Variants in DNAH6 observed in about 807,000 individuals in gnomAD.
The protein encoded by DNAH6 is axonemal beta dynein heavy chain 6.
A neutral mutation model predicts 491.4 loss-of-function variants in DNAH6; 340 were observed. That is an observed-to-expected ratio of 0.69 (90% confidence interval 0.63 to 0.76). The LOEUF (loss-of-function observed/expected upper bound fraction) is 0.76. DNAH6 is among the 30% of genes least tolerant of loss of function. The pLI is 0.00. For missense variants in DNAH6, 4,443 were observed against 4,972.2 expected (o/e 0.89, Z 3.20); for synonymous variants, 1,603 against 1,686.1 (o/e 0.95, Z 1.21).
Position 84,681,526 on chromosome 2 carries a change from A to G in DNAH6, c.6914A>G (p.Gln2305Arg). 2.6e-6 allele frequency: 4 copies of G among 1,542,518 alleles called. No individual in the cohort carries two copies. In the Admixed American group the frequency reaches 6.1e-5, roughly 23 times the overall value. ...FNLRDLSKCVQGILQCDPGTI... is the reference protein window; with the variant it reads ...FNLRDLSKCVRGILQCDPGTI... ...TTGAGGGACTTATCCAAATGTGTGC[A>G]AGGTAGTGTACTGAACCCTCGTTTT... The change falls in exon 42 of 77, where the codon CAA becomes CGA. Residue 2305 changes from glutamine (Q) to arginine (R), a missense_variant and splice_region_variant. By Grantham distance (43) the Gln-to-Arg change is conservative (BLOSUM62 1). This residue lies in a region of DNAH6 where 2,977 missense variants were observed against 3,296.6 expected (regional missense o/e 0.90). Coordinates refer to ENST00000389394, the MANE Select transcript of DNAH6 (RefSeq NM_001370.2).
At position 84,701,203 on chromosome 2, in the gene DNAH6, A is replaced by T. The variant is rs1279689231; in HGVS notation, c.7925A>T (p.His2642Leu). Reference protein sequence around the residue: ...EKLPLMCVNVHLSVSSMAERY... With the variant: ...EKLPLMCVNVLLSVSSMAERY... ...CTTCCCTTGATGTGCGTGAACGTTC[A>T]CTTGAGTGTCTCCAGCATGGCAGAG... The change falls in exon 49 of 77, where the codon CAC (histidine) becomes CTC (leucine). Residue 2642 changes from histidine (H) to leucine (L), a missense_variant. His to Leu is a moderately conservative substitution (Grantham distance 99). Coordinates refer to ENST00000389394, the MANE Select transcript of DNAH6 (RefSeq NM_001370.2). 1.3e-6 allele frequency: 2 copies of T among 1,551,696 alleles called. No individual in the cohort carries two copies. The highest frequency in any genetic ancestry group is 2.0e-5 in the Admixed American group (1 of 50,984).
chr2:84,622,858 A>G (rs551586402), intron 26 of DNAH6, among the ~76,000 whole-genome samples: 3 of 152,006 alleles, frequency 2.0e-5, no homozygotes, highest in Non-Finnish European at 4.4e-5. Context: ...TGTTTTTTTG[A>G]TAACAGTCAC....
rs1019858867 is a variant in DNAH6, at chr2:84,544,326, C to T, written c.756C>T (p.Ile252=). The T allele has an allele frequency of 1.7e-5, 26 of 1,540,822 alleles. No homozygotes were observed. Among genetic ancestry groups the T allele is most frequent in the East Asian group, 4.9e-5 (2 of 40,714 alleles). Residue 252 remains isoleucine, a synonymous_variant, in exon 5 of 77, where the codon ATC becomes ATT. Coordinates refer to ENST00000389394, the MANE Select transcript of DNAH6 (RefSeq NM_001370.2). The part of the protein sequence containing the change: ...THIYNEDIEF[I]EIDRWEQEYL... ...TTTATAATGAAGACATTGAATTTATCGAAATTGATCGATGGGAACAGGAAT... is the reference window on the plus strand; with the variant it reads ...TTTATAATGAAGACATTGAATTTATTGAAATTGATCGATGGGAACAGGAAT...
chr2:84,494,021 G>T, the DNAH6 span, among the ~76,000 whole-genome samples: 2 of 152,192 alleles, frequency 1.3e-5, no homozygotes, highest in African/African-American at 4.8e-5. Flanking sequence ...GGAGTCAAAG[G>T]CAAGACAGAA....
intron 10 of DNAH6, among the ~76,000 whole-genome samples, chr2:84,553,712 C>T (rs1341976968): frequency 1.5e-5 from 2 of 137,702 alleles, no homozygotes; most frequent in Non-Finnish European, 3.0e-5. Flanking sequence ...TCAAGTGATC[C>T]ACCTGCCTCT....
At chr2:84,723,881 G>C (rs982981498) in intron 60 of DNAH6, among the ~76,000 whole-genome samples, 1 of 152,196 alleles carries the variant, frequency 6.6e-6, no homozygotes, top group African/African-American at 2.4e-5. Flanking sequence ...ATGCCACAAA[G>C]CTTCAGCAGG....
chr2:84,459,672 T>A, the DNAH6 span: 1 of 189,244 alleles, frequency 5.3e-6, no homozygotes, highest in African/African-American at 2.4e-5. Flanking sequence ...AACAGCGAGG[T>A]GAGGTGCGAA....
In DNAH6 at chr2:84,625,016, G is replaced by GCC; in HGVS notation, c.4469_4470dup (p.Ile1491ProfsTer17). 1 of 1,551,524 alleles carries GCC rather than the reference G, an allele frequency of 6.4e-7. No homozygotes were observed. Among genetic ancestry groups the GCC allele is most frequent in the Non-Finnish European group, 8.7e-7 (1 of 1,146,894 alleles). ...TACCAAAGATCTGGCAAAAGCTCTT[G>GCC]CCATCCAGTGTGTGGTCTTTAACTG... On this transcript the variant is annotated frameshift_variant, in exon 29 of 77. Transcript: ENST00000389394. LOFTEE classifies it high-confidence loss of function.
chr2:84,559,934 G>A (rs527409865), intron 11 of DNAH6, among the ~76,000 whole-genome samples: 10 of 151,780 alleles, frequency 6.6e-5, no homozygotes, highest in African/African-American at 2.4e-4. Flanking sequence ...AAGAATGATG[G>A]GAAAAAGTAA....
the DNAH6 span, among the ~76,000 whole-genome samples, chr2:84,507,825 CAT>C: frequency 6.6e-6 from 1 of 152,170 alleles, no homozygotes; most frequent in Non-Finnish European, 1.5e-5. Flanking sequence ...TTGAGATAAT[CAT>C]GTGGTTTTTG....
At chr2:84,568,789 T>C (rs1245358670) in intron 11 of DNAH6, among the ~76,000 whole-genome samples, 3 of 152,076 alleles carry the variant, frequency 2.0e-5, no homozygotes, top group African/African-American at 7.2e-5. Flanking sequence ...AAACATAGCA[T>C]CTAAGCATAT....
At chr2:84,573,434 G>T (rs1682094835) in intron 11 of DNAH6, 33 bp from the exon 12 acceptor site, 3 of 1,542,850 alleles carry the variant, frequency 1.9e-6, no homozygotes, top group Non-Finnish European at 8.7e-7. Flanking sequence ...ACAAAAATAT[G>T]GTCATATTTG....
At chr2:84,633,334 C>T (rs944179582) in intron 29 of DNAH6, among the ~76,000 whole-genome samples, 1 of 152,136 alleles carries the variant, frequency 6.6e-6, no homozygotes, top group African/African-American at 2.4e-5. Context: ...CAGATCTCCC[C>T]CTTTGCTTAT....
At position 84,710,154 on chromosome 2, in the gene DNAH6, G is replaced by A. The variant is rs891943564; in HGVS notation, c.9253-133G>A. 5 of 1,151,644 alleles carry A rather than the reference G, an allele frequency of 4.3e-6. No individual in the cohort carries two copies. In the African/African-American group the frequency reaches 7.8e-5, roughly 18 times the overall value. 71.3% of individuals were successfully genotyped at this position (1,151,644 alleles called of 1,614,324 possible). On this transcript the variant is annotated intron_variant, in intron 55 of 76. Coordinates refer to ENST00000389394, the MANE Select transcript of DNAH6 (RefSeq NM_001370.2). Reference sequence around the variant, plus strand: ...AGATGTCTTTATTGTCGGGGGACAGGGGAGTACAGTTTATATATTTCAAAT... The same window carrying A: ...AGATGTCTTTATTGTCGGGGGACAGAGGAGTACAGTTTATATATTTCAAAT...
At chr2:84,813,221 A>G in intron 74 of DNAH6, 91 bp downstream of exon 74, 1 of 919,444 alleles carries the variant, frequency 1.1e-6, no homozygotes, top group Non-Finnish European at 1.7e-6. Context: ...CATGGCTGCT[A>G]ATGCTCTAGC....
chr2:84,481,788 C>T, the DNAH6 span, among the ~76,000 whole-genome samples: 5 of 152,312 alleles, frequency 3.3e-5, no homozygotes, highest in South Asian at 1.0e-3. Flanking sequence ...TTAGAGGTGA[C>T]AGAGATTAGG....
At chr2:84,529,700 C>A (rs1393079774) in intron 4 of DNAH6, among the ~76,000 whole-genome samples, 1 of 152,124 alleles carries the variant, frequency 6.6e-6, no homozygotes, top group East Asian at 1.9e-4. Flanking sequence ...CTTTGAAGTT[C>A]AGCACAACAG....
the DNAH6 span, among the ~76,000 whole-genome samples, chr2:84,486,841 C>T: frequency 6.6e-6 from 1 of 152,158 alleles, no homozygotes; most frequent in Non-Finnish European, 1.5e-5. Context: ...TACAGTGTTC[C>T]CTGGACTCAG....
chr2:84,756,656 C>G (rs1264425301), intron 63 of DNAH6, among the ~76,000 whole-genome samples: 1 of 152,186 alleles, frequency 6.6e-6, no homozygotes, highest in African/African-American at 2.4e-5. Flanking sequence ...TCTTCTCATC[C>G]AAAGAAAACA....
Sources: allele counts gnomAD v4.1 joint callset (sites outside exome capture counted in the v4.1 genomes callset), GRCh38; gene constraint gnomAD v4.1.1; regional missense constraint gnomAD v4.1.1; transcripts MANE v1.5; gene names NCBI Gene and HGNC (gene_info 2026-07-23, HGNC 2026-07-21).